NRXN3: variants seen among roughly 807,000 people sequenced by gnomAD.
NRXN3 encodes neurexin III.
Under a neutral mutation model 137.6 loss-of-function variants are expected in NRXN3, and 32 were observed. The observed-to-expected ratio is 0.23, with a 90% CI of 0.18 to 0.31. The LOEUF is 0.31. Ranked by LOEUF, NRXN3 falls within the 10% of genes least tolerant of loss-of-function variation. The probability of loss-of-function intolerance (pLI) is 1.00; values close to 1 mark genes in which losing one functional copy is unlikely to be tolerated. For missense variants in NRXN3, 1,574 were observed against 2,062.5 expected (o/e 0.76, Z 4.59); for synonymous variants, 798 against 784.5 (o/e 1.02, Z -0.29).
intron 1 of NRXN3, among the ~76,000 whole-genome samples, chr14:78,204,367 C>G (rs1298052391): frequency 6.6e-6 from 1 of 151,598 alleles, no homozygotes; most frequent in Non-Finnish European, 1.5e-5. Flanking sequence ...GTTTGTTTTT[C>G]TTTATTTGCC....
intron 4 of NRXN3, among the ~76,000 whole-genome samples, chr14:78,435,225 A>T (rs1336817278): frequency 6.6e-6 from 1 of 152,214 alleles, no homozygotes; most frequent in African/African-American, 2.4e-5. Context: ...TTCTTTAAAA[A>T]TTTTATGTGA....
intron 10 of NRXN3, among the ~76,000 whole-genome samples, chr14:78,868,851 A>G (rs1424605182): frequency 1.3e-5 from 2 of 151,670 alleles, no homozygotes; most frequent in African/African-American, 4.9e-5. Context: ...AAATAAAATA[A>G]AAAAGAAACA....
At chr14:78,547,299 G>A (rs1176733718) in intron 4 of NRXN3, among the ~76,000 whole-genome samples, 1 of 151,562 alleles carries the variant, frequency 6.6e-6, no homozygotes, top group African/African-American at 2.4e-5. Context: ...TCCCCGTCCT[G>A]GGTTCATGCC....
At chr14:79,598,803 A>G (rs1325985039) in intron 16 of NRXN3, among the ~76,000 whole-genome samples, 1 of 152,160 alleles carries the variant, frequency 6.6e-6, no homozygotes, top group East Asian at 1.9e-4. Context: ...CAGTGACTCC[A>G]TCTAGTAGTA....
chr14:79,687,647 C>T (rs1047933929), intron 17 of NRXN3, among the ~76,000 whole-genome samples: 6 of 152,132 alleles, frequency 3.9e-5, no homozygotes, highest in Non-Finnish European at 7.3e-5. Context: ...TTTGCACAGA[C>T]GAATGTTGTT....
intron 15 of NRXN3, among the ~76,000 whole-genome samples, chr14:79,123,202 T>C (rs2055762490): frequency 1.3e-5 from 2 of 152,024 alleles, no homozygotes; most frequent in Admixed American, 1.3e-4. Flanking sequence ...AATGATTTTC[T>C]ATGGCTGTGT....
intron 15 of NRXN3, among the ~76,000 whole-genome samples, chr14:79,198,961 T>C (rs1221645277): frequency 6.6e-6 from 1 of 152,206 alleles, no homozygotes; most frequent in Non-Finnish European, 1.5e-5. Context: ...AGTCAGGAGA[T>C]GGAGACCATC....
chr14:79,418,427 A>G (rs2095528805), intron 15 of NRXN3, among the ~76,000 whole-genome samples: 1 of 152,192 alleles, frequency 6.6e-6, no homozygotes, highest in Non-Finnish European at 1.5e-5. Context: ...AGGGTTAAGT[A>G]ATTTTAAGGC....
At chr14:79,545,942 G>A (rs1169741685) in intron 16 of NRXN3, among the ~76,000 whole-genome samples, 1 of 152,008 alleles carries the variant, frequency 6.6e-6, no homozygotes, top group African/African-American at 2.4e-5. Context: ...GGAGGTAATT[G>A]AATCATGGGG....
At chr14:79,616,496 T>C (rs1250975050) in intron 16 of NRXN3, among the ~76,000 whole-genome samples, 1 of 151,918 alleles carries the variant, frequency 6.6e-6, no homozygotes, top group African/African-American at 2.4e-5. Context: ...GAGAACAGGC[T>C]CAAGAAGGAA....
At chr14:79,052,192 T>C (rs2099642951) in intron 15 of NRXN3, among the ~76,000 whole-genome samples, 1 of 152,152 alleles carries the variant, frequency 6.6e-6, no homozygotes, top group Non-Finnish European at 1.5e-5. Context: ...CCTAAGACGT[T>C]TCGAAGAGCT....
intron 15 of NRXN3, among the ~76,000 whole-genome samples, chr14:79,140,482 AC>A (rs2058681851): frequency 6.6e-6 from 1 of 151,706 alleles, no homozygotes. Flanking sequence ...ATGTTGGTTC[AC>A]CCCCATTATA....
At chr14:78,704,565 G>A (rs2098326109) in intron 6 of NRXN3, among the ~76,000 whole-genome samples, 2 of 152,126 alleles carry the variant, frequency 1.3e-5, no homozygotes, top group East Asian at 1.9e-4. Flanking sequence ...GATGGACTTG[G>A]GTGTGGTTTT....
intron 19 of NRXN3, among the ~76,000 whole-genome samples, chr14:79,780,264 C>A (rs2099109603): frequency 6.6e-6 from 1 of 151,954 alleles, no homozygotes; most frequent in African/African-American, 2.4e-5. Context: ...CACCTCTTAG[C>A]TTATATACCA....
chr14:78,674,572 G>C (rs1375307994), intron 6 of NRXN3, among the ~76,000 whole-genome samples: 1 of 152,152 alleles, frequency 6.6e-6, no homozygotes, highest in African/African-American at 2.4e-5. Flanking sequence ...CATTGTGAGT[G>C]TTTATGTGGC....
chr14:79,255,251 G>C (rs61995413), intron 15 of NRXN3, among the ~76,000 whole-genome samples: 1 of 152,008 alleles, frequency 6.6e-6, no homozygotes, highest in African/African-American at 2.4e-5. Flanking sequence ...CCATAGTGCC[G>C]TCATAGAGGC....
At chr14:79,015,769 C>T (rs898831802) in intron 15 of NRXN3, among the ~76,000 whole-genome samples, 2 of 152,264 alleles carry the variant, frequency 1.3e-5, no homozygotes, top group East Asian at 1.9e-4. Flanking sequence ...TGCTTAAGCA[C>T]GTTTAAACAC....
At chr14:78,608,324 A>G (rs1480878378) in intron 4 of NRXN3, among the ~76,000 whole-genome samples, 2 of 152,166 alleles carry the variant, frequency 1.3e-5, no homozygotes, top group Non-Finnish European at 2.9e-5. Context: ...ACCCTAACCT[A>G]GATATACCTT....
chr14:78,720,518 C>T (rs2098454844), intron 8 of NRXN3, among the ~76,000 whole-genome samples: 1 of 152,030 alleles, frequency 6.6e-6, no homozygotes, highest in Non-Finnish European at 1.5e-5. Context: ...CAGTTTTTCC[C>T]CTTCTTGGTA....
Sources: gnomAD v4.1 joint callset for allele counts (sites outside exome capture counted in the v4.1 genomes callset) on GRCh38, gnomAD v4.1.1 for gene constraint, MANE v1.5 for transcripts, NCBI Gene and HGNC (gene_info 2026-07-23, HGNC 2026-07-21) for gene names.